Variants in APBB2 observed in about 807,000 individuals in gnomAD.
APBB2 encodes Fe65-like 1.
APBB2 carries 38 observed loss-of-function variants against 82.5 expected under a neutral mutation model. The ratio of observed to expected loss-of-function variants is 0.46; its 90% CI spans 0.36 to 0.60. The LOEUF (loss-of-function observed/expected upper bound fraction) is 0.60, where lower values mean the gene tolerates loss of function less well. APBB2 is among the 20% of genes least tolerant of loss of function. The pLI is 0.00. For synonymous variants in APBB2, 341 were observed against 368.2 expected (o/e 0.93, Z 0.85); for missense variants, 772 against 972.3 (o/e 0.79, Z 2.74).
chr4:40,940,571 A>G (rs1208058436), intron 7 of APBB2, among the ~76,000 whole-genome samples: 1 of 152,200 alleles, frequency 6.6e-6, no homozygotes, highest in African/African-American at 2.4e-5. Context: ...TTCTACATGT[A>G]TATGAGAATA....
chr4:41,194,665 AAAAATAAAAT>A, intron 1 of APBB2, among the ~76,000 whole-genome samples: 1 of 152,064 alleles, frequency 6.6e-6, no homozygotes, highest in Non-Finnish European at 1.5e-5. Context: ...CCTTGCCTCA[AAAAATAAAAT>A]AAAATAAAAT....
intron 6 of APBB2, among the ~76,000 whole-genome samples, chr4:40,971,729 TATCATATA>T (rs2154398513): frequency 6.6e-6 from 1 of 152,348 alleles, no homozygotes; most frequent in East Asian, 1.9e-4. Context: ...AAAGAAAACC[TATCATATA>T]TCCCCTTCTT....
At chr4:40,952,450 A>T (rs1358253919) in intron 6 of APBB2, among the ~76,000 whole-genome samples, 3 of 152,090 alleles carry the variant, frequency 2.0e-5, no homozygotes, top group Non-Finnish European at 4.4e-5. Flanking sequence ...AGGAAGCAAA[A>T]ATATTTCATA....
At chr4:41,102,282 T>G (rs1745737698) in intron 2 of APBB2, among the ~76,000 whole-genome samples, 1 of 152,216 alleles carries the variant, frequency 6.6e-6, no homozygotes, top group South Asian at 2.1e-4. Context: ...AAGCATCATT[T>G]ATTACTATTG....
intron 10 of APBB2, among the ~76,000 whole-genome samples, chr4:40,920,212 C>G (rs1201927903): frequency 2.0e-5 from 3 of 152,144 alleles, no homozygotes; most frequent in African/African-American, 7.2e-5. Flanking sequence ...TTCACGAGAT[C>G]TGATGGTTTT....
In APBB2 at chr4:40,890,457, A is replaced by G. The variant is rs1406605384; in HGVS notation, c.1436T>C (p.Met479Thr). 6.2e-7 allele frequency: 1 copy of G among 1,614,118 alleles called. No individual in the cohort carries two copies. The highest frequency in any genetic ancestry group is 1.7e-5 in the Admixed American group (1 of 60,006). ...GTCCATGGGGTCCACCAGGCTGAGCATGTCATTCTCCAGGATCAGGTACAT... is the reference window on the plus strand; with the variant it reads ...GTCCATGGGGTCCACCAGGCTGAGCGTGTCATTCTCCAGGATCAGGTACAT... ...KDMYLILENDMLSLVDPMDRS... is the reference protein window; with the variant it reads ...KDMYLILENDTLSLVDPMDRS... The change falls in exon 12 of 18, where the codon ATG (methionine) becomes ACG (threonine). Residue 479 changes from methionine (M) to threonine (T), a missense_variant. Met to Thr is a moderately conservative substitution (Grantham distance 81). Coordinates refer to ENST00000508593, the MANE Select transcript of APBB2 (RefSeq NM_004307.2).
chr4:41,088,922 C>G (rs1444587552), intron 3 of APBB2, among the ~76,000 whole-genome samples: 2 of 152,160 alleles, frequency 1.3e-5, no homozygotes, highest in Non-Finnish European at 2.9e-5. Context: ...ATCTTTGAGA[C>G]AGCTATCAAG....
At chr4:41,117,929 G>T (rs987053924) in intron 2 of APBB2, among the ~76,000 whole-genome samples, 2 of 152,154 alleles carry the variant, frequency 1.3e-5, no homozygotes, top group South Asian at 4.1e-4. Context: ...AAATCTAGCT[G>T]AGGGCAGTGG....
At chr4:41,000,069 ATG>A (rs779111046) in intron 6 of APBB2, among the ~76,000 whole-genome samples, 6,097 of 130,520 alleles carry the variant, frequency 0.047, 175 homozygotes, top group South Asian at 0.078. Flanking sequence ...ATATGTGTGT[ATG>A]TGTGTGTGTG....
At chr4:41,109,392 G>A (rs1430187177) in intron 2 of APBB2, among the ~76,000 whole-genome samples, 2 of 152,020 alleles carry the variant, frequency 1.3e-5, no homozygotes, top group African/African-American at 2.4e-5. Flanking sequence ...CCGGGTTCAA[G>A]CAATTCTCCT....
At chr4:40,960,871 C>T (rs1320231624) in intron 6 of APBB2, among the ~76,000 whole-genome samples, 8 of 152,062 alleles carry the variant, frequency 5.3e-5, no homozygotes, top group African/African-American at 1.9e-4. Context: ...TTCCCAGCCT[C>T]CCTTGCAGCT....
chr4:40,942,779 G>A (rs1472535485), intron 7 of APBB2, among the ~76,000 whole-genome samples: 1 of 152,124 alleles, frequency 6.6e-6, no homozygotes, highest in African/African-American at 2.4e-5. Flanking sequence ...GCAAAAATGG[G>A]CTCCAGGAAG....
intron 3 of APBB2, among the ~76,000 whole-genome samples, chr4:41,069,324 G>A (rs1364809714): frequency 6.6e-6 from 1 of 152,124 alleles, no homozygotes; most frequent in African/African-American, 2.4e-5. Context: ...TAGGGTTTTA[G>A]CCAATTCAGA....
At chr4:41,135,280 A>G (rs1186114283) in intron 2 of APBB2, among the ~76,000 whole-genome samples, 1 of 152,172 alleles carries the variant, frequency 6.6e-6, no homozygotes, top group Non-Finnish European at 1.5e-5. Flanking sequence ...TTACATTCAA[A>G]ACTATATTCT....
At chr4:41,006,725 G>A (rs1361807735) in intron 6 of APBB2, among the ~76,000 whole-genome samples, 4 of 152,088 alleles carry the variant, frequency 2.6e-5, no homozygotes, top group Non-Finnish European at 4.4e-5. Context: ...CTCGGCCTCC[G>A]AAAGTGCTGG....
intron 1 of APBB2, among the ~76,000 whole-genome samples, chr4:41,188,991 T>C (rs369030843): frequency 6.6e-6 from 1 of 152,148 alleles, no homozygotes; most frequent in African/African-American, 2.4e-5. Context: ...GAAGACTTTA[T>C]TAAACAACCT....
chr4:41,117,317 G>C (rs1475085675), intron 2 of APBB2, among the ~76,000 whole-genome samples: 1 of 146,618 alleles, frequency 6.8e-6, no homozygotes, highest in Non-Finnish European at 1.5e-5. Context: ...TTTTGAGATG[G>C]AGTCTCACTC....
At chr4:41,151,405 G>A (rs891198805) in intron 1 of APBB2, among the ~76,000 whole-genome samples, 1 of 152,150 alleles carries the variant, frequency 6.6e-6, no homozygotes. Context: ...CATGACTGAG[G>A]AGCTAAATTT....
chr4:41,130,291 A>C (rs1347382808), intron 2 of APBB2, among the ~76,000 whole-genome samples: 1 of 152,216 alleles, frequency 6.6e-6, no homozygotes, highest in Non-Finnish European at 1.5e-5. Context: ...GTCATTATCA[A>C]TGAAAAGAAT....
Sources: allele counts gnomAD v4.1 joint callset (sites outside exome capture counted in the v4.1 genomes callset), GRCh38; gene constraint gnomAD v4.1.1; transcripts MANE v1.5; gene names NCBI Gene and HGNC (gene_info 2026-07-23, HGNC 2026-07-21).